The following CLPTM1L variants were observed in gnomAD, a reference collection of about 807,000 sequenced individuals.
The protein encoded by CLPTM1L is lipid scramblase CLPTM1L.
Under a neutral mutation model 70.9 loss-of-function variants are expected in CLPTM1L, and 38 were observed. The observed-to-expected ratio is 0.54, with a 90% CI of 0.41 to 0.70. The LOEUF (loss-of-function observed/expected upper bound fraction) is 0.70, where lower values mean the gene tolerates loss of function less well. Among genes scored for constraint, CLPTM1L ranks in the 30% least tolerant of loss-of-function variants. The probability of loss-of-function intolerance (pLI) is 0.00; values close to 1 mark genes in which losing one functional copy is unlikely to be tolerated. For missense variants in CLPTM1L, 652 were observed against 705.9 expected (o/e 0.92, Z 0.87); for synonymous variants, 339 against 299.9 (o/e 1.13, Z -1.35).
At chr5:1,322,442 T>G (rs560241159) in intron 13 of CLPTM1L, among the ~76,000 whole-genome samples, 1 of 152,352 alleles carries the variant, frequency 6.6e-6, no homozygotes, top group South Asian at 2.1e-4. Flanking sequence ...CACCAGAGCC[T>G]GGTGCTTCCA....
intron 5 of CLPTM1L, among the ~76,000 whole-genome samples, chr5:1,336,391 C>T (rs375752952): frequency 4.6e-5 from 7 of 152,386 alleles, no homozygotes; most frequent in East Asian, 1.9e-4. Context: ...ACCACTGGAA[C>T]GCAGGCCACC....
At chr5:1,321,589 CGCTCTGCTCAG>C in intron 15 of CLPTM1L, 35 bp downstream of exon 15, 1 of 1,575,730 alleles carries the variant, frequency 6.3e-7, no homozygotes, top group South Asian at 1.1e-5. Flanking sequence ...CCCTTGCTCA[CGCTCTGCTCAG>C]TGAGAAGGGA....
Position 1,335,189 on chromosome 5 carries a change from C to G in CLPTM1L, c.679-15G>C, listed in dbSNP as rs764254657. 6.2e-7 allele frequency: 1 copy of G among 1,602,348 alleles called. No individual in the cohort carries two copies. Among genetic ancestry groups the G allele is most frequent in the Non-Finnish European group, 8.5e-7 (1 of 1,170,240 alleles). ...CGGTTTATGACCTGATGAAGAAAGC[C>G]ACACTGAGGGCCCTGCCCTCATACC... is the stretch of plus-strand genomic sequence containing the variant. On this transcript the variant is annotated splice_polypyrimidine_tract_variant and intron_variant, in intron 5 of 16. Coordinates refer to ENST00000320895, the MANE Select transcript of CLPTM1L (RefSeq NM_030782.5).
intron 12 of CLPTM1L, 71 bp downstream of exon 12, chr5:1,323,716 C>A (rs1376544928): frequency 7.2e-7 from 1 of 1,385,594 alleles, no homozygotes; most frequent in East Asian, 2.3e-5. Context: ...TCGCACCCCG[C>A]TCTGGCTCAG....
intron 3 of CLPTM1L, among the ~76,000 whole-genome samples, chr5:1,339,569 C>T (rs935710085): frequency 8.1e-6 from 1 of 123,374 alleles, no homozygotes; most frequent in Non-Finnish European, 1.7e-5. Flanking sequence ...AAACCGCGCC[C>T]GGACAGCAGG....
intron 1 of CLPTM1L, 43 bp from the exon 2 acceptor site, chr5:1,344,494 G>A (rs546533405): frequency 1.3e-6 from 2 of 1,562,532 alleles, no homozygotes; most frequent in South Asian, 1.1e-5. Flanking sequence ...GCCAGGCCCT[G>A]GCAGGACGCA....
intron 5 of CLPTM1L, among the ~76,000 whole-genome samples, chr5:1,336,061 G>A (rs1270377350): frequency 1.3e-5 from 2 of 152,256 alleles, no homozygotes; most frequent in Non-Finnish European, 1.5e-5. Flanking sequence ...GCCACAACCA[G>A]CAGGTGCCAG....
In CLPTM1L at chr5:1,318,789, G is replaced by T. The variant is rs1052017327; in HGVS notation, c.1533-336C>A. 3.3e-5 allele frequency among the ~76,000 whole-genome samples: 5 copies of T among 152,168 alleles called. No individual in the cohort carries two copies. The highest frequency in any genetic ancestry group is 7.3e-5 in the Non-Finnish European group (5 of 68,030). On this transcript the variant is annotated intron_variant, in intron 16 of 16. Transcript: ENST00000320895. This position sits in a 1 kb window ranked among gnomAD's most constrained non-coding sequence, Gnocchi z 8.9. ...GAACGGTGGCATCACGGAGACTCGAGTGATCAGAACAGGAACCGCTGTGTT... is the reference window on the plus strand; with the variant it reads ...GAACGGTGGCATCACGGAGACTCGATTGATCAGAACAGGAACCGCTGTGTT...
chr5:1,322,852 G>A (rs1182425456), intron 13 of CLPTM1L, 25 bp downstream of exon 13: 1 of 1,610,720 alleles, frequency 6.2e-7, no homozygotes, highest in East Asian at 2.2e-5. Flanking sequence ...CACTAGTACT[G>A]AAGCAGGGAA....
chr5:1,320,424 G>C (rs762265012), intron 16 of CLPTM1L, 192 bp downstream of exon 16: 4 of 478,668 alleles, frequency 8.4e-6, no homozygotes, highest in East Asian at 6.9e-5. Flanking sequence ...AGCTGGAACA[G>C]TTTCTTGCCA....
Position 1,335,180 on chromosome 5 carries a change from G to C in CLPTM1L, c.679-6C>G, listed in dbSNP as rs760630498. On this transcript the variant is annotated splice_polypyrimidine_tract_variant and splice_region_variant and intron_variant, in intron 5 of 16. Coordinates refer to ENST00000320895, the MANE Select transcript of CLPTM1L (RefSeq NM_030782.5). Reference sequence around the variant, plus strand: ...GTGGTGGAGCGGTTTATGACCTGATGAAGAAAGCCACACTGAGGGCCCTGC... The same window carrying C: ...GTGGTGGAGCGGTTTATGACCTGATCAAGAAAGCCACACTGAGGGCCCTGC... 1 of 1,610,464 alleles carries C rather than the reference G, an allele frequency of 6.2e-7. No individual in the cohort carries two copies. Among genetic ancestry groups the C allele is most frequent in the Admixed American group, 1.7e-5 (1 of 59,994 alleles).
chr5:1,332,059 C>T, intron 7 of CLPTM1L, 176 bp from the exon 8 acceptor site: 1 of 618,226 alleles, frequency 1.6e-6, no homozygotes, highest in Non-Finnish European at 2.9e-6. Context: ...CCTGCCATGT[C>T]AGAACCTAGA....
At chr5:1,333,229 G>C (rs1403770616) in intron 7 of CLPTM1L, among the ~76,000 whole-genome samples, 1 of 58,644 alleles carries the variant, frequency 1.7e-5, no homozygotes, top group Admixed American at 1.5e-4. Flanking sequence ...CACCGGATAA[G>C]GGGGGACTAC....
chr5:1,320,574 G>A (rs560283022), intron 16 of CLPTM1L, 42 bp downstream of exon 16: 127 of 1,151,696 alleles, frequency 1.1e-4, no homozygotes, highest in Non-Finnish European at 1.4e-4. Flanking sequence ...CAGCCACGCC[G>A]CTGAGACGGA....
chr5:1,320,938 G>A (rs1488933787), intron 15 of CLPTM1L, among the ~76,000 whole-genome samples: 3 of 152,340 alleles, frequency 2.0e-5, no homozygotes, highest in East Asian at 1.9e-4. Flanking sequence ...GCTGGCACCC[G>A]ACACACTGCG....
chr5:1,344,941 G>GAGAGCCGCCGCGCGCCACCGC lies in CLPTM1L; in HGVS notation c.-121_-101dup. ...CCGCTCCGGGCTCCGCCGCTCACTG[G>GAGAGCCGCCGCGCGCCACCGC]AGAGCCGCCGCGCGCCACCGCCACC... On this transcript the variant is annotated 5_prime_UTR_variant, in exon 1 of 17. Transcript: ENST00000320895. 1.5e-6 allele frequency: 1 copy of GAGAGCCGCCGCGCGCCACCGC among 673,336 alleles called. No individual in the cohort carries two copies. The highest frequency in any genetic ancestry group is 1.8e-6 in the Non-Finnish European group (1 of 546,328). 41.7% of individuals were successfully genotyped at this position (673,336 alleles called of 1,614,324 possible). A position where few individuals can be genotyped will look rare whatever the true frequency, so the allele number is the denominator to read the frequency against.
At chr5:1,332,917 C>A (rs1470383752) in intron 7 of CLPTM1L, among the ~76,000 whole-genome samples, 1 of 151,832 alleles carries the variant, frequency 6.6e-6, no homozygotes, top group African/African-American at 2.4e-5. Context: ...CTGTATAACA[C>A]CAGATGAGGA....
At chr5:1,325,056 T>C in intron 10 of CLPTM1L, 1 of 583,710 alleles carries the variant, frequency 1.7e-6, no homozygotes. Context: ...TCACTGCTGT[T>C]CCTTGCTCAG....
rs111270000 is a variant in CLPTM1L, at chr5:1,318,625, A to C, written c.1533-172T>G. The stretch of plus-strand genomic sequence containing the variant: ...GCCGAGGGCTGAGGAGGGATTTCTG[A>C]GTTGTGTTTTGTTCTGCATGGCCAG... On this transcript the variant is annotated intron_variant, in intron 16 of 16. Coordinates refer to ENST00000320895, the MANE Select transcript of CLPTM1L (RefSeq NM_030782.5). The surrounding 1 kb of genome is among the most constrained non-coding windows in gnomAD (Gnocchi z 8.9). Among the ~76,000 whole-genome samples the C allele has an allele frequency of 5.9e-5, 9 of 152,224 alleles. 2 individuals carry two copies. Among genetic ancestry groups the C allele is most frequent in the African/African-American group, 2.2e-4 (9 of 41,544 alleles).
Sources: allele counts gnomAD v4.1 joint callset (sites outside exome capture counted in the v4.1 genomes callset), GRCh38; gene constraint gnomAD v4.1.1; non-coding constraint Gnocchi (gnomAD v3.1); transcripts MANE v1.5; gene names NCBI Gene and HGNC (gene_info 2026-07-23, HGNC 2026-07-21).